Variants in EFCAB11 observed in about 807,000 individuals in gnomAD.
The protein encoded by EFCAB11 is EF-hand calcium binding domain 11, also known as EF-hand calcium-binding domain-containing protein 11.
A neutral mutation model predicts 23.0 loss-of-function variants in EFCAB11; 14 were observed. That is an observed-to-expected ratio of 0.61 (90% CI 0.40 to 0.95). The LOEUF is 0.95. Ranked by LOEUF, EFCAB11 falls within the 40% of genes least tolerant of loss-of-function variation. The pLI is 0.00. For missense variants in EFCAB11, 198 were observed against 195.8 expected, an observed-to-expected ratio of 1.01 and a Z score of -0.07; for synonymous variants, 65 against 66.6, an observed-to-expected ratio of 0.98 and a Z score of 0.11.
intron 5 of EFCAB11, among the ~76,000 whole-genome samples, chr14:89,925,079 G>A (rs1890147000): frequency 6.6e-6 from 1 of 152,218 alleles, no homozygotes; most frequent in African/African-American, 2.4e-5. Flanking sequence ...AAAGAAGACT[G>A]TACAATGCAG....
Position 89,798,718 on chromosome 14 carries a change from T to C in EFCAB11, c.411-1394A>G, listed in dbSNP as rs74656777. 3.7e-3 allele frequency among the ~76,000 whole-genome samples: 569 copies of C among 152,340 alleles called. 2 individuals carry two copies. The highest frequency in any genetic ancestry group is 0.013 in the African/African-American group (555 of 41,578). On this transcript the variant is annotated intron_variant, in intron 5 of 5. Coordinates refer to ENST00000316738, the MANE Select transcript of EFCAB11 (RefSeq NM_145231.4). ...GAGTGTGCTTATTCACTTATTGAGA[T>C]GCTGAATGCTTGTAGAGAAGCAAAT...
At chr14:89,807,106 T>G (rs1203643141) in intron 5 of EFCAB11, among the ~76,000 whole-genome samples, 1 of 152,190 alleles carries the variant, frequency 6.6e-6, no homozygotes, top group Non-Finnish European at 1.5e-5. Context: ...GATTATGAGA[T>G]AAAAGAAATG....
chr14:89,943,405 C>A (rs1009738418), intron 3 of EFCAB11, among the ~76,000 whole-genome samples: 3 of 151,842 alleles, frequency 2.0e-5, no homozygotes, highest in African/African-American at 7.3e-5. Flanking sequence ...TCAGGCCTGG[C>A]TCATTTTTGT....
At chr14:89,847,741 C>CA (rs561016492) in intron 5 of EFCAB11, among the ~76,000 whole-genome samples, 3,490 of 91,104 alleles carry the variant, frequency 0.038, 81 homozygotes, top group African/African-American at 0.063. Flanking sequence ...CTCTGTCTCA[C>CA]AAAAAAAAAA....
chr14:89,859,747 T>A (rs1436304109), intron 5 of EFCAB11, among the ~76,000 whole-genome samples: 1 of 151,672 alleles, frequency 6.6e-6, no homozygotes, highest in South Asian at 2.1e-4. Flanking sequence ...AAGGGAGAAG[T>A]AAGGCTGTTC....
intron 5 of EFCAB11, among the ~76,000 whole-genome samples, chr14:89,850,628 C>T (rs1399259727): frequency 1.3e-5 from 2 of 152,208 alleles, no homozygotes; most frequent in Non-Finnish European, 2.9e-5. Flanking sequence ...TACCTCCATT[C>T]TAAGCCCTTG....
At chr14:89,815,829 A>T (rs1302486498) in intron 5 of EFCAB11, among the ~76,000 whole-genome samples, 1 of 152,166 alleles carries the variant, frequency 6.6e-6, no homozygotes, top group Non-Finnish European at 1.5e-5. Flanking sequence ...GGAACATCCT[A>T]AAGATTAGGG....
At chr14:89,847,741 C>CAAAAAAAAAAA (rs561016492) in intron 5 of EFCAB11, among the ~76,000 whole-genome samples, 1 of 92,058 alleles carries the variant, frequency 1.1e-5, no homozygotes, top group African/African-American at 3.9e-5. Flanking sequence ...CTCTGTCTCA[C>CAAAAAAAAAAA]AAAAAAAAAA....
chr14:89,845,442 T>C (rs1243198298), intron 5 of EFCAB11, among the ~76,000 whole-genome samples: 2 of 152,218 alleles, frequency 1.3e-5, no homozygotes, highest in Admixed American at 6.5e-5. Context: ...ATTACTTTTC[T>C]GAGCATTCTT....
At chr14:89,810,755 C>CAAA (rs374599977) in intron 5 of EFCAB11, among the ~76,000 whole-genome samples, 4 of 114,150 alleles carry the variant, frequency 3.5e-5, no homozygotes, top group African/African-American at 3.6e-5. Flanking sequence ...GACTCCGTCT[C>CAAA]AAAAAAAAAA....
At chr14:89,866,710 C>T (rs539578647) in intron 5 of EFCAB11, among the ~76,000 whole-genome samples, 5 of 152,322 alleles carry the variant, frequency 3.3e-5, no homozygotes, top group South Asian at 4.1e-4. Flanking sequence ...AATCAGGCCC[C>T]GGGCTATAAT....
intron 5 of EFCAB11, among the ~76,000 whole-genome samples, chr14:89,873,999 C>T (rs1485111346): frequency 1.3e-5 from 2 of 152,216 alleles, no homozygotes; most frequent in Non-Finnish European, 2.9e-5. Flanking sequence ...GGCTCCAACC[C>T]CACATTTCCC....
Position 89,878,663 on chromosome 14 carries a change from T to C in EFCAB11, c.410+52878A>G, listed in dbSNP as rs192801245. Among the ~76,000 whole-genome samples, 313 of 152,310 alleles carry C rather than the reference T, an allele frequency of 2.1e-3. 1 individual carries two copies. Among genetic ancestry groups the C allele is most frequent in the African/African-American group, 7.1e-3 (294 of 41,586 alleles). Reference sequence around the variant, plus strand: ...TAAAGAATATGGAGTACATTTTACATAGCAATCAATATCTCTACTTTGAGC... The same window carrying C: ...TAAAGAATATGGAGTACATTTTACACAGCAATCAATATCTCTACTTTGAGC... On this transcript the variant is annotated intron_variant, in intron 5 of 5. Transcript: ENST00000316738.
intron 5 of EFCAB11, among the ~76,000 whole-genome samples, chr14:89,826,951 A>G (rs1886710184): frequency 6.6e-6 from 1 of 152,214 alleles, no homozygotes; most frequent in South Asian, 2.1e-4. Context: ...TTTGGGCCAA[A>G]GACACAATCA....
chr14:89,914,522 C>A (rs902087677), intron 5 of EFCAB11, among the ~76,000 whole-genome samples: 1 of 152,176 alleles, frequency 6.6e-6, no homozygotes, highest in Non-Finnish European at 1.5e-5. Flanking sequence ...CAGTGGCTCA[C>A]GCCTGTAATC....
chr14:89,800,712 G>A (rs769099288), intron 5 of EFCAB11, among the ~76,000 whole-genome samples: 5 of 152,140 alleles, frequency 3.3e-5, no homozygotes, highest in Non-Finnish European at 7.4e-5. Context: ...GATGCAAAAG[G>A]GAGACCTGGA....
intron 5 of EFCAB11, among the ~76,000 whole-genome samples, chr14:89,841,630 CCCTCCTTTCTTCTTGACT>C (rs1443468964): frequency 2.6e-5 from 4 of 152,044 alleles, no homozygotes; most frequent in African/African-American, 7.2e-5. Flanking sequence ...TGACCCCGCC[CCCTCCTTTCTTCTTGACT>C]CTATTCCCCT....
At chr14:89,812,501 G>C (rs1406863185) in intron 5 of EFCAB11, among the ~76,000 whole-genome samples, 1 of 152,186 alleles carries the variant, frequency 6.6e-6, no homozygotes, top group Non-Finnish European at 1.5e-5. Flanking sequence ...GAAGAGCTGA[G>C]AACAAATTTG....
At chr14:89,879,710 G>A (rs1423307593) in intron 5 of EFCAB11, among the ~76,000 whole-genome samples, 5 of 152,136 alleles carry the variant, frequency 3.3e-5, no homozygotes, top group Admixed American at 6.5e-5. Context: ...GGCTCATATA[G>A]ACTCTTGTTC....
Sources: gnomAD v4.1 joint callset for allele counts (sites outside exome capture counted in the v4.1 genomes callset) on GRCh38, gnomAD v4.1.1 for gene constraint, MANE v1.5 for transcripts, NCBI Gene and HGNC (gene_info 2026-07-23, HGNC 2026-07-21) for gene names.